The following UNC13C variants were observed in gnomAD, a reference collection of about 807,000 sequenced individuals.
UNC13C encodes unc-13 homolog C.
A neutral mutation model predicts 245.4 loss-of-function variants in UNC13C; 174 were observed. The observed-to-expected ratio is 0.71, with a 90% CI of 0.63 to 0.80. The LOEUF (loss-of-function observed/expected upper bound fraction) is 0.80, where lower values mean the gene tolerates loss of function less well. UNC13C is among the 30% of genes least tolerant of loss of function. The pLI, the probability that UNC13C is intolerant of heterozygous loss-of-function variation, is 0.00. For missense variants in UNC13C, 2,829 were observed against 2,602.9 expected, an observed-to-expected ratio of 1.09 and a Z score of -1.89; for synonymous variants, 992 against 895.1, an observed-to-expected ratio of 1.11 and a Z score of -1.93.
intron 20 of UNC13C, among the ~76,000 whole-genome samples, chr15:54,497,411 T>C (rs1894005810): frequency 6.6e-6 from 1 of 151,936 alleles, no homozygotes; most frequent in Non-Finnish European, 1.5e-5. Context: ...GGAGAAACAA[T>C]ATGGGTTATG....
chr15:54,047,700 G>C (rs115779316), intron 2 of UNC13C, among the ~76,000 whole-genome samples: 259 of 152,234 alleles, frequency 1.7e-3, no homozygotes, highest in African/African-American at 5.9e-3. Context: ...ATGCTGCTGT[G>C]AACTTTGGCT....
chr15:54,124,166 T>C (rs2030873892), intron 2 of UNC13C, among the ~76,000 whole-genome samples: 1 of 152,210 alleles, frequency 6.6e-6, no homozygotes, highest in African/African-American at 2.4e-5. Flanking sequence ...TAATCATATG[T>C]AGATTTTTGT....
chr15:53,843,305 G>A, the UNC13C span, among the ~76,000 whole-genome samples: 2 of 152,030 alleles, frequency 1.3e-5, no homozygotes, highest in East Asian at 1.9e-4. Flanking sequence ...AAATTATCCA[G>A]GCATGGTGGC....
At chr15:54,626,507 G>A (rs1232960942) in intron 32 of UNC13C, among the ~76,000 whole-genome samples, 1 of 152,042 alleles carries the variant, frequency 6.6e-6, no homozygotes, top group Non-Finnish European at 1.5e-5. Context: ...ATTCTACCAA[G>A]AGGTACCCAT....
intron 4 of UNC13C, among the ~76,000 whole-genome samples, chr15:54,220,709 G>A (rs2035199708): frequency 6.6e-6 from 1 of 151,958 alleles, no homozygotes; most frequent in South Asian, 2.1e-4. Flanking sequence ...ACTTGTAAAT[G>A]TAGTTAAAAG....
At chr15:53,899,009 G>GGAC in the UNC13C span, among the ~76,000 whole-genome samples, 2 of 148,932 alleles carry the variant, frequency 1.3e-5, no homozygotes, top group Admixed American at 1.4e-4. Flanking sequence ...TGAGGGTTTT[G>GGAC]TGCTTATCTC....
At chr15:53,886,440 A>G in the UNC13C span, among the ~76,000 whole-genome samples, 1 of 152,176 alleles carries the variant, frequency 6.6e-6, no homozygotes, top group African/African-American at 2.4e-5. Flanking sequence ...TGAGGAACAA[A>G]TGAAGTAAAG....
At chr15:54,547,119 C>A (rs752085074) in intron 27 of UNC13C, among the ~76,000 whole-genome samples, 7 of 152,046 alleles carry the variant, frequency 4.6e-5, no homozygotes, top group Non-Finnish European at 7.4e-5. Context: ...CTGGTTTACA[C>A]ATACAATTTT....
intron 4 of UNC13C, among the ~76,000 whole-genome samples, chr15:54,146,996 G>A (rs1368763429): frequency 6.6e-6 from 1 of 152,092 alleles, no homozygotes; most frequent in Non-Finnish European, 1.5e-5. Context: ...TCTTTCATTG[G>A]GTACAAGTAG....
intron 17 of UNC13C, among the ~76,000 whole-genome samples, chr15:54,340,226 CTG>C (rs2038696525): frequency 6.6e-6 from 1 of 152,188 alleles, no homozygotes; most frequent in South Asian, 2.1e-4. Flanking sequence ...TTCTCCCACT[CTG>C]TGGGTTGTCT....
intron 4 of UNC13C, among the ~76,000 whole-genome samples, chr15:54,234,277 A>G (rs999147214): frequency 6.6e-6 from 1 of 151,752 alleles, no homozygotes; most frequent in African/African-American, 2.4e-5. Context: ...TACTAAACTT[A>G]CTAATACGCA....
At chr15:54,201,243 G>C (rs1024307485) in intron 4 of UNC13C, among the ~76,000 whole-genome samples, 1 of 151,926 alleles carries the variant, frequency 6.6e-6, no homozygotes, top group African/African-American at 2.4e-5. Flanking sequence ...ATCCAAAGAA[G>C]AATTGAAACC....
intron 14 of UNC13C, among the ~76,000 whole-genome samples, chr15:54,327,078 G>C (rs2038316847): frequency 6.6e-6 from 1 of 152,028 alleles, no homozygotes; most frequent in Non-Finnish European, 1.5e-5. Context: ...GCACTCATGG[G>C]TAGATCAGGA....
intron 10 of UNC13C, among the ~76,000 whole-genome samples, chr15:54,280,628 A>G (rs1022484500): frequency 6.7e-5 from 10 of 149,246 alleles, no homozygotes; most frequent in Non-Finnish European, 1.3e-4. Context: ...ATGTATACAT[A>G]CAAGTATACA....
intron 18 of UNC13C, among the ~76,000 whole-genome samples, chr15:54,401,785 G>T (rs1298094601): frequency 1.3e-5 from 2 of 152,036 alleles, no homozygotes; most frequent in African/African-American, 2.4e-5. Flanking sequence ...GGAGCATCTT[G>T]TCTGTCTTGT....
At chr15:53,863,122 C>T in the UNC13C span, among the ~76,000 whole-genome samples, 1 of 152,166 alleles carries the variant, frequency 6.6e-6, no homozygotes, top group Admixed American at 6.5e-5. Flanking sequence ...CAATGGTGGA[C>T]AGGCCTAGGA....
chr15:54,599,013 T>C (rs1899251837), intron 30 of UNC13C, among the ~76,000 whole-genome samples: 1 of 152,188 alleles, frequency 6.6e-6, no homozygotes, highest in Non-Finnish European at 1.5e-5. Context: ...TCTAATCATA[T>C]TCTACTTTTC....
intron 17 of UNC13C, among the ~76,000 whole-genome samples, chr15:54,342,082 G>A (rs980363377): frequency 6.6e-6 from 1 of 151,922 alleles, no homozygotes; most frequent in African/African-American, 2.4e-5. Flanking sequence ...GTGTTTGAAC[G>A]TATTTTCACA....
rs117337528 is a variant in UNC13C at position 54,004,923 on chromosome 15, G to T, written c.-256-7725G>T. Among the ~76,000 whole-genome samples the T allele has an allele frequency of 4.7e-3, 716 of 152,190 alleles. 11 individuals carry two copies. The highest frequency in any genetic ancestry group is 7.1e-3 in the Non-Finnish European group (483 of 67,998). ...CCGGTTATTAATCCCTTGTCGGATG[G>T]GTAGTTTGCAAATATTTTCTCTCAT... On this transcript the variant is annotated intron_variant, in intron 1 of 32. Coordinates refer to ENST00000260323, the MANE Select transcript of UNC13C (RefSeq NM_001080534.3).
Sources: gnomAD v4.1 joint callset for allele counts (sites outside exome capture counted in the v4.1 genomes callset) on GRCh38, gnomAD v4.1.1 for gene constraint, MANE v1.5 for transcripts, NCBI Gene and HGNC (gene_info 2026-07-23, HGNC 2026-07-21) for gene names.